The following LARGE1 variants were observed in gnomAD, a reference collection of about 807,000 sequenced individuals.
The protein encoded by LARGE1 is LARGE xylosyl- and glucuronyltransferase 1.
Under a neutral mutation model 87.6 loss-of-function variants are expected in LARGE1, and 43 were observed. That is an observed-to-expected ratio of 0.49 (90% CI 0.38 to 0.63). The LOEUF (loss-of-function observed/expected upper bound fraction) is 0.63. Ranked by LOEUF, LARGE1 falls within the 30% of genes least tolerant of loss-of-function variation. LARGE1 has a pLI of 0.00. For missense variants in LARGE1, 802 were observed against 1,000.2 expected (o/e 0.80, Z 2.67); for synonymous variants, 434 against 394.6 (o/e 1.10, Z -1.18).
chr22:33,585,192 T>C (rs183801401), intron 5 of LARGE1, among the ~76,000 whole-genome samples: 35 of 152,210 alleles, frequency 2.3e-4, no homozygotes, highest in Non-Finnish European at 4.3e-4. Context: ...CTCACTTATA[T>C]ACATTAATTA....
chr22:33,281,258 G>A (rs920292129), intron 13 of LARGE1, among the ~76,000 whole-genome samples: 6 of 152,150 alleles, frequency 3.9e-5, no homozygotes, highest in African/African-American at 1.4e-4. Flanking sequence ...AAGACGGCAG[G>A]AAGGATGCCT....
At chr22:33,573,269 T>C (rs773559544) in intron 5 of LARGE1, among the ~76,000 whole-genome samples, 1 of 152,088 alleles carries the variant, frequency 6.6e-6, no homozygotes, top group East Asian at 1.9e-4. Context: ...TGAAAAACCA[T>C]CTCCACTAAA....
intron 6 of LARGE1, among the ~76,000 whole-genome samples, chr22:33,529,668 T>A (rs991271934): frequency 1.3e-5 from 2 of 152,222 alleles, no homozygotes; most frequent in Middle Eastern, 6.8e-3. Context: ...TTTTCTGAGG[T>A]TTGCTGGAAC....
chr22:33,567,331 C>T (rs937946329), intron 5 of LARGE1, among the ~76,000 whole-genome samples: 3 of 152,122 alleles, frequency 2.0e-5, no homozygotes, highest in South Asian at 2.1e-4. Context: ...GACTCAAGGG[C>T]GTGGTACACA....
At chr22:33,297,475 T>C (rs1933457013) in intron 12 of LARGE1, among the ~76,000 whole-genome samples, 1 of 150,924 alleles carries the variant, frequency 6.6e-6, no homozygotes, top group Non-Finnish European at 1.5e-5. Context: ...TAGCCAGGTG[T>C]GGTGGCATGT....
chr22:33,355,519 G>T (rs1423910940), intron 9 of LARGE1, among the ~76,000 whole-genome samples: 1 of 152,074 alleles, frequency 6.6e-6, no homozygotes, highest in Non-Finnish European at 1.5e-5. Flanking sequence ...TGTCCCCTTC[G>T]TGATAACTGG....
At chr22:33,639,429 A>T (rs531589747) in intron 3 of LARGE1, among the ~76,000 whole-genome samples, 8 of 152,208 alleles carry the variant, frequency 5.3e-5, no homozygotes, top group Non-Finnish European at 1.0e-4. Context: ...TTTAAGTGTT[A>T]GGTGATTTTT....
chr22:33,884,198 G>A (rs940334907), intron 1 of LARGE1, among the ~76,000 whole-genome samples: 3 of 152,188 alleles, frequency 2.0e-5, no homozygotes, highest in Admixed American at 6.5e-5. Context: ...AAGGCCATGC[G>A]GTTGGCCTCG....
At chr22:33,425,078 G>C (rs1301648039) in intron 7 of LARGE1, among the ~76,000 whole-genome samples, 1 of 151,966 alleles carries the variant, frequency 6.6e-6, no homozygotes, top group Non-Finnish European at 1.5e-5. Context: ...CCTGATCAAC[G>C]TGGTGAAACC....
intron 1 of LARGE1, among the ~76,000 whole-genome samples, chr22:33,778,114 A>G (rs1414370924): frequency 1.3e-5 from 2 of 152,200 alleles, no homozygotes; most frequent in African/African-American, 4.8e-5. Context: ...AAGAGTCAGG[A>G]AAGAAATTCT....
chr22:33,668,739 C>T (rs1000541982), intron 2 of LARGE1, among the ~76,000 whole-genome samples: 1 of 152,178 alleles, frequency 6.6e-6, no homozygotes. Context: ...CTAAGATCTA[C>T]AGGAAGGTTG....
At chr22:33,863,724 C>T (rs1186163905) in intron 1 of LARGE1, among the ~76,000 whole-genome samples, 7 of 151,602 alleles carry the variant, frequency 4.6e-5, no homozygotes, top group East Asian at 1.9e-4. Flanking sequence ...GCCGACATTG[C>T]GCCATTGCAC....
At position 33,799,728 on chromosome 22, in the gene LARGE1, G is replaced by A. The variant is rs769084002; in HGVS notation, c.-82-38170C>T. Reference sequence around the variant, plus strand: ...ATTACAGAAGTGAGCCACCGTGCCCGGTCAATAAGGAACATTCTCACAAAC... The same window carrying A: ...ATTACAGAAGTGAGCCACCGTGCCCAGTCAATAAGGAACATTCTCACAAAC... On this transcript the variant is annotated intron_variant, in intron 1 of 14. Transcript: ENST00000397394. Among the ~76,000 whole-genome samples the A allele has an allele frequency of 5.3e-5, 8 of 152,236 alleles. No individual in the cohort carries two copies. The East Asian group carries it at 5.8e-4, about 11-fold the overall frequency.
chr22:33,076,357 G>GATTAGTTCTAGGAGCTTAGTTCTT, the LARGE1 span, among the ~76,000 whole-genome samples: 2 of 152,240 alleles, frequency 1.3e-5, no homozygotes, highest in South Asian at 4.1e-4. Context: ...ATTATAAGTA[G>GATTAGTTCTAGGAGCTTAGTTCTT]ATTAGTTCTA....
At chr22:33,502,445 C>T (rs888037388) in intron 6 of LARGE1, among the ~76,000 whole-genome samples, 7 of 152,250 alleles carry the variant, frequency 4.6e-5, no homozygotes, top group South Asian at 4.1e-4. Flanking sequence ...AAGTGAACCA[C>T]GGAGCAGGCA....
At chr22:33,736,237 T>C (rs1161036417) in intron 2 of LARGE1, among the ~76,000 whole-genome samples, 1 of 152,244 alleles carries the variant, frequency 6.6e-6, no homozygotes, top group Non-Finnish European at 1.5e-5. Flanking sequence ...AAAGTGGCTG[T>C]TCCATTTTAT....
intron 11 of LARGE1, among the ~76,000 whole-genome samples, chr22:33,203,089 C>CTG (rs1186912400): frequency 5.2e-5 from 7 of 133,444 alleles, no homozygotes; most frequent in Non-Finnish European, 9.7e-5. Context: ...CTCTCTCTCT[C>CTG]TCTCTCTCTC....
rs79954836 is a variant in LARGE1 at position 33,561,469 on chromosome 22, C to A, written c.787+3379G>T. Among the ~76,000 whole-genome samples the A allele has an allele frequency of 9.5e-3, 1,444 of 152,294 alleles. 21 individuals carry two copies. Among genetic ancestry groups the A allele is most frequent in the African/African-American group, 0.032 (1,345 of 41,550 alleles). The stretch of plus-strand genomic sequence containing the variant: ...CCCCTGCCAGGTATACCAGAAGTAT[C>A]TCGTGAGAAGCATACCATACCCATG... On this transcript the variant is annotated intron_variant, in intron 6 of 14. Coordinates refer to ENST00000397394, the MANE Select transcript of LARGE1 (RefSeq NM_133642.5).
At chr22:33,537,303 G>C (rs752005383) in intron 6 of LARGE1, among the ~76,000 whole-genome samples, 1 of 152,192 alleles carries the variant, frequency 6.6e-6, no homozygotes, top group Non-Finnish European at 1.5e-5. Flanking sequence ...GGGAGAATTC[G>C]ATTCCCTGCT....
Sources: allele counts gnomAD v4.1 joint callset (sites outside exome capture counted in the v4.1 genomes callset), GRCh38; gene constraint gnomAD v4.1.1; transcripts MANE v1.5; gene names NCBI Gene and HGNC (gene_info 2026-07-23, HGNC 2026-07-21).